The following SCHIP1 variants were observed in gnomAD, a reference collection of about 807,000 sequenced individuals.
The protein encoded by SCHIP1 is schwannomin interacting protein 1, also known as schwannomin-interacting protein 1.
In SCHIP1, 8 loss-of-function variants were observed where a neutral mutation model predicts 29.7. The observed-to-expected ratio is 0.27, with a 90% CI of 0.16 to 0.49. The LOEUF (loss-of-function observed/expected upper bound fraction) is 0.49. Ranked by LOEUF, SCHIP1 falls within the 20% of genes least tolerant of loss-of-function variation. The pLI is 0.99. For missense variants in SCHIP1, 193 were observed against 294.6 expected, an observed-to-expected ratio of 0.66 and a Z score of 2.52; for synonymous variants, 76 against 94.9, an observed-to-expected ratio of 0.80 and a Z score of 1.16.
rs1177182805 is a variant in SCHIP1 at position 159,861,326 on chromosome 3, A to G, written c.31-4837A>G. Among the ~76,000 whole-genome samples the G allele has an allele frequency of 1.3e-5, 2 of 152,194 alleles. No individual in the cohort carries two copies. Among genetic ancestry groups the G allele is most frequent in the African/African-American group, 2.4e-5 (1 of 41,440 alleles). On this transcript the variant is annotated intron_variant, in intron 1 of 6. Coordinates refer to ENST00000445224, the Ensembl canonical transcript of SCHIP1. The surrounding 1 kb of genome is among the most constrained non-coding windows in gnomAD (Gnocchi z 4.1). ...GGTGGAAAGGTCCTGGGGACATATT[A>G]GATTTGAAGATAGATGATACCTACC... is the stretch of plus-strand genomic sequence containing the variant.
chr3:159,279,579 T>C, the SCHIP1 span, among the ~76,000 whole-genome samples: 1 of 152,106 alleles, frequency 6.6e-6, no homozygotes, highest in Non-Finnish European at 1.5e-5. Context: ...GTGGGAAGAC[T>C]TCTTCCTCCA....
At chr3:159,662,783 GAT>G in the SCHIP1 span, among the ~76,000 whole-genome samples, 1 of 152,190 alleles carries the variant, frequency 6.6e-6, no homozygotes, top group African/African-American at 2.4e-5. Context: ...GCAGAGCCAA[GAT>G]ATGAGTTCAG....
At chr3:159,689,669 G>C in the SCHIP1 span, among the ~76,000 whole-genome samples, 1 of 152,062 alleles carries the variant, frequency 6.6e-6, no homozygotes, top group Admixed American at 6.6e-5. Context: ...CATCCTTGTC[G>C]TGTGCCAGTT....
At chr3:159,489,174 T>C in the SCHIP1 span, among the ~76,000 whole-genome samples, 1 of 152,212 alleles carries the variant, frequency 6.6e-6, no homozygotes, top group Non-Finnish European at 1.5e-5. Context: ...CTTTGTAAAT[T>C]TGGCTTTAAA....
chr3:159,507,535 G>C, the SCHIP1 span, among the ~76,000 whole-genome samples: 1 of 152,166 alleles, frequency 6.6e-6, no homozygotes, highest in Non-Finnish European at 1.5e-5. Flanking sequence ...GGGCATCCCT[G>C]TCTTGTGCCA....
the SCHIP1 span, among the ~76,000 whole-genome samples, chr3:159,630,207 C>T: frequency 1.3e-5 from 2 of 152,102 alleles, no homozygotes; most frequent in African/African-American, 4.8e-5. Context: ...CCTTCAGGGG[C>T]TCAATCTGAT....
chr3:159,321,406 C>T, the SCHIP1 span, among the ~76,000 whole-genome samples: 1,415 of 152,286 alleles, frequency 9.3e-3, 24 homozygotes, highest in African/African-American at 0.032. Context: ...GAAATAAATA[C>T]TTCTGATATT....
the SCHIP1 span, among the ~76,000 whole-genome samples, chr3:159,564,307 C>G: frequency 6.6e-6 from 1 of 152,092 alleles, no homozygotes; most frequent in Non-Finnish European, 1.5e-5. Flanking sequence ...GCATGACCAG[C>G]AACGCAGCAG....
the SCHIP1 span, among the ~76,000 whole-genome samples, chr3:159,518,627 T>C: frequency 6.6e-6 from 1 of 152,116 alleles, no homozygotes; most frequent in Non-Finnish European, 1.5e-5. Context: ...GGACACTTTC[T>C]CAGAGTGTTA....
At chr3:159,392,214 C>G in the SCHIP1 span, among the ~76,000 whole-genome samples, 1 of 152,164 alleles carries the variant, frequency 6.6e-6, no homozygotes, top group Non-Finnish European at 1.5e-5. Flanking sequence ...CAAAGCAGTG[C>G]TACTGTCAAC....
At chr3:159,659,426 C>G in the SCHIP1 span, among the ~76,000 whole-genome samples, 1 of 152,168 alleles carries the variant, frequency 6.6e-6, no homozygotes, top group African/African-American at 2.4e-5. Context: ...AGAATGAGCC[C>G]TCAGCATCTC....
the SCHIP1 span, among the ~76,000 whole-genome samples, chr3:159,366,741 C>T: frequency 0.091 from 13,826 of 152,176 alleles, 837 homozygotes; most frequent in Non-Finnish European, 0.13. Context: ...TCTCCCTGCC[C>T]ACATCTCCCA....
At chr3:159,525,803 AT>A in the SCHIP1 span, among the ~76,000 whole-genome samples, 1 of 152,238 alleles carries the variant, frequency 6.6e-6, no homozygotes, top group Non-Finnish European at 1.5e-5. Context: ...AGGCAGAACA[AT>A]TGGACAGCCT....
the SCHIP1 span, among the ~76,000 whole-genome samples, chr3:159,456,088 T>C: frequency 1.3e-5 from 2 of 152,128 alleles, no homozygotes; most frequent in South Asian, 2.1e-4. Flanking sequence ...AATTTTTCAC[T>C]CTGATCAGAT....
the SCHIP1 span, among the ~76,000 whole-genome samples, chr3:159,766,174 G>A: frequency 6.6e-6 from 1 of 152,214 alleles, no homozygotes. Context: ...GTGTGTGGCA[G>A]CTGTGTGGCA....
chr3:159,872,113 G>A (rs1715355335), intron 2 of SCHIP1, among the ~76,000 whole-genome samples: 1 of 152,090 alleles, frequency 6.6e-6, no homozygotes, highest in Non-Finnish European at 1.5e-5. Context: ...TCCCTTGTGT[G>A]CTGTTGTTTC....
At chr3:159,424,336 A>C in the SCHIP1 span, among the ~76,000 whole-genome samples, 1 of 152,204 alleles carries the variant, frequency 6.6e-6, no homozygotes, top group Non-Finnish European at 1.5e-5. Context: ...AATACAGAGA[A>C]GTGCTTAAAG....
chr3:159,880,118 G>A (rs1472676135), intron 2 of SCHIP1, among the ~76,000 whole-genome samples: 7 of 152,184 alleles, frequency 4.6e-5, no homozygotes, highest in East Asian at 3.9e-4. Flanking sequence ...TGAGGAAGCC[G>A]AACACCTGAG....
intron 6 of SCHIP1, among the ~76,000 whole-genome samples, chr3:159,896,267 G>A (rs1398859533): frequency 6.6e-6 from 1 of 152,040 alleles, no homozygotes; most frequent in Non-Finnish European, 1.5e-5. Context: ...ACCATGTTTC[G>A]ACTTTTGGCT....
Sources: allele counts gnomAD v4.1 joint callset (sites outside exome capture counted in the v4.1 genomes callset), GRCh38; gene constraint gnomAD v4.1.1; non-coding constraint Gnocchi (gnomAD v3.1); transcripts MANE v1.5; gene names NCBI Gene and HGNC (gene_info 2026-07-23, HGNC 2026-07-21).